ZDHHC21: variants seen among roughly 807,000 people sequenced by gnomAD.
ZDHHC21 encodes the protein palmitoyltransferase ZDHHC21.
In ZDHHC21, 15 loss-of-function variants were observed where a neutral mutation model predicts 34.6. The ratio of observed to expected loss-of-function variants is 0.43; its 90% CI spans 0.29 to 0.67. The LOEUF (loss-of-function observed/expected upper bound fraction) is 0.67. Ranked by LOEUF, ZDHHC21 falls within the 30% of genes least tolerant of loss-of-function variation. The probability of loss-of-function intolerance (pLI) is 0.14; values close to 1 mark genes in which losing one functional copy is unlikely to be tolerated. For missense variants in ZDHHC21, 344 were observed against 327.7 expected, an observed-to-expected ratio of 1.05 and a Z score of -0.38; for synonymous variants, 142 against 101.8, an observed-to-expected ratio of 1.40 and a Z score of -2.38.
chr9:14,642,407 C>T (rs1474687914), intron 7 of ZDHHC21, among the ~76,000 whole-genome samples: 1 of 151,878 alleles, frequency 6.6e-6, no homozygotes, highest in Admixed American at 6.6e-5. Flanking sequence ...TCACAGGAAC[C>T]CATTTGCTAT....
intron 5 of ZDHHC21, among the ~76,000 whole-genome samples, chr9:14,671,882 A>G (rs1003025651): frequency 2.2e-4 from 34 of 152,134 alleles, no homozygotes; most frequent in Admixed American, 1.3e-4. Context: ...AAGTGATAAA[A>G]ATATTTCTAA....
chr9:14,607,985 C>G (rs1338361812), downstream of ZDHHC21, among the ~76,000 whole-genome samples: 1 of 152,182 alleles, frequency 6.6e-6, no homozygotes, highest in African/African-American at 2.4e-5. Flanking sequence ...ATTGTGGGTA[C>G]TTTTCCGTGA....
chr9:14,689,599 G>A (rs1374139338), intron 2 of ZDHHC21, among the ~76,000 whole-genome samples: 1 of 152,112 alleles, frequency 6.6e-6, no homozygotes, highest in Non-Finnish European at 1.5e-5. Flanking sequence ...AAATGTACAT[G>A]ACTGTATTAG....
At chr9:14,659,653 T>C (rs1832983724) in intron 6 of ZDHHC21, among the ~76,000 whole-genome samples, 1 of 152,244 alleles carries the variant, frequency 6.6e-6, no homozygotes, top group African/African-American at 2.4e-5. Context: ...AAAATAGTAT[T>C]ATACTGTCAC....
intron 2 of ZDHHC21, among the ~76,000 whole-genome samples, chr9:14,685,002 G>A (rs1838056521): frequency 6.6e-6 from 1 of 152,222 alleles, no homozygotes; most frequent in Non-Finnish European, 1.5e-5. Context: ...ATAGCCATAT[G>A]TAGAAAGCTG....
rs1823805662 is a variant in ZDHHC21 at position 14,614,235 on chromosome 9, C to G, written c.*4731G>C. 6.6e-6 allele frequency: 1 copy of G among 151,414 alleles called. No homozygotes were observed. The highest frequency in any genetic ancestry group is 1.9e-4 in the East Asian group (1 of 5,160). 9.4% of individuals were successfully genotyped at this position (151,414 alleles called of 1,614,324 possible). On this transcript the variant is annotated 3_prime_UTR_variant, in exon 10 of 10. Transcript: ENST00000380916. ...ATTTGTACCTATTCTCTAGGGTGGA[C>G]AAGGCAAAAAGAACATAATAATAGT...
At position 14,674,169 on chromosome 9, in the gene ZDHHC21, A is replaced by T. The variant is rs774913340; in HGVS notation, c.154+18T>A. The T allele has an allele frequency of 6.9e-7, 1 of 1,457,142 alleles. No homozygotes were observed. Among genetic ancestry groups the T allele is most frequent in the Admixed American group, 2.7e-5 (1 of 37,134 alleles). 90.3% of individuals were successfully genotyped at this position (1,457,142 alleles called of 1,614,324 possible). On this transcript the variant is annotated intron_variant, in intron 4 of 9. Coordinates refer to ENST00000380916, the MANE Select transcript of ZDHHC21 (RefSeq NM_178566.6). The stretch of plus-strand genomic sequence containing the variant: ...GAGAAAAATAATTATACAAGAAAAT[A>T]AAGATCAAGAAACTTACTTATTATT...
At chr9:14,634,316 C>T (rs1029989042) in intron 8 of ZDHHC21, among the ~76,000 whole-genome samples, 33 of 152,308 alleles carry the variant, frequency 2.2e-4, no homozygotes, top group African/African-American at 7.7e-4. Context: ...TGCCCATTTC[C>T]CAGGACCCGA....
intron 5 of ZDHHC21, among the ~76,000 whole-genome samples, chr9:14,672,052 T>C (rs1013011684): frequency 1.3e-5 from 2 of 152,156 alleles, no homozygotes; most frequent in African/African-American, 4.8e-5. Flanking sequence ...GAACATTTCC[T>C]TATATTCAAA....
chr9:14,647,815 T>C (rs62535361), intron 7 of ZDHHC21, among the ~76,000 whole-genome samples: 9,249 of 152,206 alleles, frequency 0.061, 339 homozygotes, highest in Admixed American at 0.12. Context: ...TCAGAACTCT[T>C]TTCTTTTCTA....
intron 5 of ZDHHC21, among the ~76,000 whole-genome samples, chr9:14,664,894 G>C (rs1388606790): frequency 6.6e-6 from 1 of 151,426 alleles, no homozygotes; most frequent in Non-Finnish European, 1.5e-5. Context: ...CACAAAGATG[G>C]GGAAAAAACA....
In ZDHHC21 at chr9:14,682,115, G is replaced by C. The variant is rs558610741; in HGVS notation, c.-175-1953C>G. On this transcript the variant is annotated intron_variant, in intron 2 of 9. Coordinates refer to ENST00000380916, the MANE Select transcript of ZDHHC21 (RefSeq NM_178566.6). ...CAGACTGTAAAGACCACAGATGCTA[G>C]GAAGAAACTGCATCAACTAACAAGC... Among the ~76,000 whole-genome samples the C allele has an allele frequency of 6.6e-4, 101 of 152,256 alleles. 1 individual carries two copies. Among genetic ancestry groups the C allele is most frequent in the Admixed American group, 5.3e-3 (81 of 15,286 alleles).
chr9:14,617,761 C>A lies in ZDHHC21; in HGVS notation c.*1205G>T, dbSNP rs568919348. The A allele has an allele frequency of 9.2e-5, 14 of 151,998 alleles. No individual in the cohort carries two copies. Among genetic ancestry groups the A allele is most frequent in the African/African-American group, 3.1e-4 (13 of 41,516 alleles). The allele number at this position is 151,998 out of a possible 1,614,324, so 9.4% of individuals were successfully genotyped here. On this transcript the variant is annotated 3_prime_UTR_variant, in exon 10 of 10. Transcript: ENST00000380916. ...ACATTTGTACAAGGCTAATGATAAACACAGATCATTATATTTTCTTATTTT... is the reference window on the plus strand; with the variant it reads ...ACATTTGTACAAGGCTAATGATAAAAACAGATCATTATATTTTCTTATTTT...
At position 14,615,069 on chromosome 9, in the gene ZDHHC21, T is replaced by C. The variant is rs919591515; in HGVS notation, c.*3897A>G. 6.6e-6 allele frequency: 1 copy of C among 151,714 alleles called. No homozygotes were observed. Among genetic ancestry groups the C allele is most frequent in the Non-Finnish European group, 1.5e-5 (1 of 67,696 alleles). 9.4% of individuals were successfully genotyped at this position (151,714 alleles called of 1,614,324 possible). Reference sequence around the variant, plus strand: ...AATGGCATATTAAACCAGAGCTTGGTACATTGTGATTTTATAGCAATACAT... The same window carrying C: ...AATGGCATATTAAACCAGAGCTTGGCACATTGTGATTTTATAGCAATACAT... On this transcript the variant is annotated 3_prime_UTR_variant, in exon 10 of 10. Transcript: ENST00000380916.
intron 5 of ZDHHC21, among the ~76,000 whole-genome samples, chr9:14,671,874 G>C (rs1292254928): frequency 6.6e-6 from 1 of 152,000 alleles, no homozygotes; most frequent in Non-Finnish European, 1.5e-5. Context: ...AAATATGAAA[G>C]TGATAAAAAT....
At chr9:14,619,934 C>G (rs1387579014) in intron 8 of ZDHHC21, among the ~76,000 whole-genome samples, 1 of 151,278 alleles carries the variant, frequency 6.6e-6, no homozygotes, top group Non-Finnish European at 1.5e-5. Flanking sequence ...ATGACAGTAT[C>G]ACTTCATTAA....
chr9:14,638,851 G>A (rs1360662627), intron 8 of ZDHHC21, among the ~76,000 whole-genome samples: 1 of 151,834 alleles, frequency 6.6e-6, no homozygotes, highest in Non-Finnish European at 1.5e-5. Context: ...AGGACAAAAA[G>A]TAACAGATGC....
chr9:14,602,204 AT>A, the ZDHHC21 span, among the ~76,000 whole-genome samples: 2 of 152,042 alleles, frequency 1.3e-5, no homozygotes, highest in African/African-American at 2.4e-5. Flanking sequence ...AATGAATGAA[AT>A]AAAAAAATTC....
At chr9:14,688,992 G>C (rs1264848195) in intron 2 of ZDHHC21, among the ~76,000 whole-genome samples, 1 of 152,060 alleles carries the variant, frequency 6.6e-6, no homozygotes, top group African/African-American at 2.4e-5. Context: ...CAAGGCTGCA[G>C]TGAGCTGTGA....
Sources: allele counts gnomAD v4.1 joint callset (sites outside exome capture counted in the v4.1 genomes callset), GRCh38; gene constraint gnomAD v4.1.1; transcripts MANE v1.5; gene names NCBI Gene and HGNC (gene_info 2026-07-23, HGNC 2026-07-21).